The following CEP89 variants were observed in gnomAD, a reference collection of about 807,000 sequenced individuals.
CEP89 encodes centrosomal protein 89.
A neutral mutation model predicts 97.6 loss-of-function variants in CEP89; 95 were observed. The ratio of observed to expected loss-of-function variants is 0.97; its 90% CI spans 0.82 to 1.15. CEP89 has a LOEUF of 1.15. CEP89 is among the 50% of genes most tolerant of loss of function. The probability of loss-of-function intolerance (pLI) is 0.00; values close to 1 mark genes in which losing one functional copy is unlikely to be tolerated. For missense variants in CEP89, 869 were observed against 947.7 expected (o/e 0.92, Z 1.09); for synonymous variants, 354 against 349.1 (o/e 1.01, Z -0.16).
chr19:32,898,380 C>T (rs1284018470), intron 16 of CEP89, among the ~76,000 whole-genome samples: 1 of 151,358 alleles, frequency 6.6e-6, no homozygotes, highest in Non-Finnish European at 1.5e-5. Context: ...GGCTAGGATG[C>T]ATGTGGGTAT....
At position 32,916,630 on chromosome 19, in the gene CEP89, T is replaced by A. The variant is rs188715034; in HGVS notation, c.1385-1113A>T. ...TTTCATCCTGTGTTACATGGTTGCATGTAATAATTCCCAAGCGTCTGCCGA... is the reference window on the plus strand; with the variant it reads ...TTTCATCCTGTGTTACATGGTTGCAAGTAATAATTCCCAAGCGTCTGCCGA... On this transcript the variant is annotated intron_variant, in intron 13 of 18. Transcript: ENST00000305768. Among the ~76,000 whole-genome samples the A allele has an allele frequency of 1.4e-3, 211 of 152,358 alleles. 1 individual carries two copies. Among genetic ancestry groups the A allele is most frequent in the African/African-American group, 3.9e-3 (162 of 41,586 alleles).
intron 13 of CEP89, among the ~76,000 whole-genome samples, chr19:32,916,720 C>T (rs757329978): frequency 2.0e-5 from 3 of 152,044 alleles, no homozygotes; most frequent in Non-Finnish European, 4.4e-5. Context: ...ATGAAAATAT[C>T]TAATTGGTGG....
At chr19:32,881,816 G>C in intron 18 of CEP89, 28 bp downstream of exon 18, 1 of 1,574,552 alleles carries the variant, frequency 6.4e-7, no homozygotes, top group South Asian at 1.1e-5. Context: ...ACATCTCTGC[G>C]GGCCATGGCG....
chr19:32,885,115 A>G (rs1969367103), intron 17 of CEP89, among the ~76,000 whole-genome samples: 1 of 152,166 alleles, frequency 6.6e-6, no homozygotes, highest in South Asian at 2.1e-4. Flanking sequence ...ATTACCTACG[A>G]AGAAATCAGC....
chr19:32,910,814 A>G (rs972030071), intron 14 of CEP89, among the ~76,000 whole-genome samples: 3 of 152,186 alleles, frequency 2.0e-5, no homozygotes, highest in Admixed American at 6.6e-5. Context: ...AGGGTCAGTA[A>G]CGTACATGGA....
At chr19:32,892,923 AGAAG>A (rs1568546753) in intron 16 of CEP89, among the ~76,000 whole-genome samples, 2 of 152,172 alleles carry the variant, frequency 1.3e-5, no homozygotes, top group African/African-American at 4.8e-5. Context: ...AATGAGGAAG[AGAAG>A]GAACTCAAAT....
At chr19:32,947,813 T>A (rs1276704576) in intron 5 of CEP89, among the ~76,000 whole-genome samples, 1 of 151,418 alleles carries the variant, frequency 6.6e-6, no homozygotes, top group Non-Finnish European at 1.5e-5. Flanking sequence ...CCAGCCTTAT[T>A]TTCTTGAGAC....
intron 4 of CEP89, among the ~76,000 whole-genome samples, 191 bp downstream of exon 4, chr19:32,953,424 G>C (rs1970967013): frequency 6.6e-6 from 1 of 151,938 alleles, no homozygotes; most frequent in Admixed American, 6.6e-5. Flanking sequence ...GTTTTTGCAA[G>C]ATAAAGGAAA....
chr19:32,889,994 T>G (rs1357601002), intron 16 of CEP89, among the ~76,000 whole-genome samples: 1 of 152,066 alleles, frequency 6.6e-6, no homozygotes, highest in East Asian at 1.9e-4. Context: ...CCTTCAAGGC[T>G]CCATCCATGC....
chr19:32,909,221 T>A (rs1969950058), intron 14 of CEP89, among the ~76,000 whole-genome samples: 1 of 152,172 alleles, frequency 6.6e-6, no homozygotes, highest in Non-Finnish European at 1.5e-5. Flanking sequence ...CAAACTCTTT[T>A]GGGGAGAGCT....
Position 32,887,220 on chromosome 19 carries a change from G to T in CEP89, c.1965+532C>A, listed in dbSNP as rs1303600240. ...TTTATTGGTGTTTTGTTTTGTTTTGGTTTTGGTTTTTTTTTGAGACAGGGT... is the reference window on the plus strand; with the variant it reads ...TTTATTGGTGTTTTGTTTTGTTTTGTTTTTGGTTTTTTTTTGAGACAGGGT... On this transcript the variant is annotated intron_variant, in intron 17 of 18. Coordinates refer to ENST00000305768, the MANE Select transcript of CEP89 (RefSeq NM_032816.5). Among the ~76,000 whole-genome samples the T allele has an allele frequency of 2.0e-5, 3 of 150,878 alleles. No individual in the cohort carries two copies. The South Asian group carries it at 6.4e-4, about 32-fold the overall frequency.
At chr19:32,904,997 G>T (rs575579155) in intron 14 of CEP89, among the ~76,000 whole-genome samples, 2 of 152,198 alleles carry the variant, frequency 1.3e-5, no homozygotes, top group African/African-American at 2.4e-5. Context: ...TTAATGATTT[G>T]TAGATTTGTT....
intron 16 of CEP89, among the ~76,000 whole-genome samples, chr19:32,890,854 A>G (rs1339157713): frequency 2.0e-5 from 3 of 152,120 alleles, no homozygotes; most frequent in African/African-American, 7.2e-5. Context: ...TAGCTGCAGC[A>G]CAGTGGCATC....
chr19:32,958,427 G>A (rs1971096040), intron 3 of CEP89, among the ~76,000 whole-genome samples: 1 of 152,086 alleles, frequency 6.6e-6, no homozygotes, highest in Non-Finnish European at 1.5e-5. Flanking sequence ...GCTCACACTT[G>A]TAATCCCAGC....
At chr19:32,958,682 A>G (rs1309823634) in intron 3 of CEP89, among the ~76,000 whole-genome samples, 1 of 151,590 alleles carries the variant, frequency 6.6e-6, no homozygotes, top group Admixed American at 6.6e-5. Context: ...CTGTCTCAAA[A>G]AAGTCAACCC....
Position 32,948,293 on chromosome 19 carries a change from G to A in CEP89, c.568C>T (p.Pro190Ser). 6.2e-7 allele frequency: 1 copy of A among 1,610,224 alleles called. No homozygotes were observed. Among genetic ancestry groups the A allele is most frequent in the Non-Finnish European group, 8.5e-7 (1 of 1,177,810 alleles). The change falls in exon 5 of 19, where the codon CCT becomes TCT. Residue 190 changes from proline (P) to serine (S), a missense_variant. Pro to Ser is a moderately conservative substitution (Grantham distance 74, BLOSUM62 -1). Coordinates refer to ENST00000305768, the MANE Select transcript of CEP89 (RefSeq NM_032816.5). ...TTTTGTTGTGTCCGCTGTGGTGCAG[G>A]AGGGGAGCCTGGAAACCCATCTTGA... ...SHQDGFPGSP[P>S]APQRTQQKDG...
chr19:32,885,713 G>A (rs2145870130), intron 17 of CEP89, among the ~76,000 whole-genome samples: 1 of 152,294 alleles, frequency 6.6e-6, no homozygotes, highest in East Asian at 1.9e-4. Flanking sequence ...TGCCCTTTCA[G>A]GACATAGATT....
intron 8 of CEP89, 143 bp from the exon 9 acceptor site, chr19:32,931,714 A>C (rs1356021471): frequency 1.2e-5 from 7 of 593,878 alleles, no homozygotes; most frequent in African/African-American, 9.7e-5. Flanking sequence ...CTGTGTGTGT[A>C]TGTGTGTCTG....
At chr19:32,916,451 T>C (rs1357503505) in intron 13 of CEP89, among the ~76,000 whole-genome samples, 2 of 152,188 alleles carry the variant, frequency 1.3e-5, no homozygotes, top group African/African-American at 2.4e-5. Context: ...GGTGTGTAAG[T>C]ATATGTCATA....
Sources: gnomAD v4.1 joint callset for allele counts (sites outside exome capture counted in the v4.1 genomes callset) on GRCh38, gnomAD v4.1.1 for gene constraint, MANE v1.5 for transcripts, NCBI Gene and HGNC (gene_info 2026-07-23, HGNC 2026-07-21) for gene names.